SYNE1: variants seen among roughly 807,000 people sequenced by gnomAD.
SYNE1 encodes the protein nesprin-1.
A neutral mutation model predicts 1,111.0 loss-of-function variants in SYNE1; 616 were observed. The observed-to-expected ratio is 0.55, with a 90% CI of 0.52 to 0.59. The LOEUF is 0.59. Among genes scored for constraint, SYNE1 ranks in the 20% least tolerant of loss-of-function variants. The probability of loss-of-function intolerance (pLI) is 0.00; values close to 1 mark genes in which losing one functional copy is unlikely to be tolerated. For synonymous variants in SYNE1, 3,855 were observed against 3,825.8 expected (o/e 1.01, Z -0.28); for missense variants, 10,006 against 10,417.0 (o/e 0.96, Z 1.72).
At chr6:152,420,004 C>T (rs2098229410) in intron 39 of SYNE1, among the ~76,000 whole-genome samples, 1 of 152,146 alleles carries the variant, frequency 6.6e-6, no homozygotes, top group Admixed American at 6.5e-5. Context: ...CTCAGCATAA[C>T]ATATGTTCCA....
At chr6:152,162,070 C>T (rs765131096) in intron 131 of SYNE1, among the ~76,000 whole-genome samples, 13 of 152,166 alleles carry the variant, frequency 8.5e-5, no homozygotes, top group Non-Finnish European at 1.3e-4. Flanking sequence ...TGATCTTCTA[C>T]CTGAGTAAAG....
chr6:152,372,830 T>C (rs747727583), intron 59 of SYNE1, among the ~76,000 whole-genome samples: 10 of 152,334 alleles, frequency 6.6e-5, no homozygotes, highest in Middle Eastern at 3.4e-3. Flanking sequence ...GACCCTAACA[T>C]GCAGGAAGCT....
At chr6:152,432,917 G>A (rs186330753) in intron 34 of SYNE1, among the ~76,000 whole-genome samples, 112 of 152,168 alleles carry the variant, frequency 7.4e-4, no homozygotes, top group Non-Finnish European at 7.1e-4. Flanking sequence ...CAAAAGATGT[G>A]TGAGAAGCAA....
At position 152,370,126 on chromosome 6, in the gene SYNE1, T is replaced by C. The variant is rs375241560; in HGVS notation, c.9508-512A>G. Among the ~76,000 whole-genome samples, 33 of 151,018 alleles carry C rather than the reference T, an allele frequency of 2.2e-4. No homozygotes were observed. The South Asian group carries it at 6.5e-3, about 30-fold the overall frequency. On this transcript the variant is annotated intron_variant, in intron 59 of 145. Transcript: ENST00000367255. ...CTTTTTAGGGTTCTCCTTTTGAAAA[T>C]AGAATTTTTCCCCCCTAACTCTCTG...
chr6:152,622,959 T>G (rs2099678775), intron 3 of SYNE1, among the ~76,000 whole-genome samples: 1 of 152,148 alleles, frequency 6.6e-6, no homozygotes, highest in Non-Finnish European at 1.5e-5. Flanking sequence ...TAAGAGCCAT[T>G]CTGACTGTTG....
At chr6:152,444,933 T>C (rs2098565604) in intron 29 of SYNE1, among the ~76,000 whole-genome samples, 1 of 152,166 alleles carries the variant, frequency 6.6e-6, no homozygotes, top group South Asian at 2.1e-4. Context: ...TTTAGGACTG[T>C]GCACAAAGTC....
Position 152,151,498 on chromosome 6 carries a change from A to G in SYNE1, c.24450+55T>C, listed in dbSNP as rs574977428. The G allele has an allele frequency of 5.6e-6, 9 of 1,609,200 alleles. No individual in the cohort carries two copies. In the Admixed American group the frequency reaches 1.3e-4, roughly 24 times the overall value. ...TATGTTCTTCACAAAAGAGCCACAA[A>G]TCCTTTCATTTTCAGGCTTTCTTCA... On this transcript the variant is annotated intron_variant, in intron 135 of 145. Coordinates refer to ENST00000367255, the MANE Select transcript of SYNE1 (RefSeq NM_182961.4).
rs189559726 is a variant in SYNE1, at chr6:152,479,007, C to G, written c.1350+4078G>C. On this transcript the variant is annotated intron_variant, in intron 14 of 145. Coordinates refer to ENST00000367255, the MANE Select transcript of SYNE1 (RefSeq NM_182961.4). ...GCACAAAAGGAGATGGTAAAGAGAA[C>G]AGGATACAGTGAAAAGGTGGTAGGG... Among the ~76,000 whole-genome samples, 634 of 152,230 alleles carry G rather than the reference C, an allele frequency of 4.2e-3. 5 individuals are homozygous for G. The highest frequency in any genetic ancestry group is 0.017 in the Middle Eastern group (5 of 294).
intron 80 of SYNE1, 67 bp downstream of exon 80, chr6:152,325,891 A>G: frequency 6.4e-7 from 1 of 1,573,622 alleles, no homozygotes; most frequent in Non-Finnish European, 8.7e-7. Flanking sequence ...AGATTTATTG[A>G]TCATGTTGCA....
chr6:152,125,735 T>C (rs940816916), intron 145 of SYNE1: 3 of 166,512 alleles, frequency 1.8e-5, no homozygotes, highest in Non-Finnish European at 3.9e-5. Context: ...TGGGAAGATT[T>C]ACATATATAA....
intron 93 of SYNE1, among the ~76,000 whole-genome samples, chr6:152,296,970 C>G (rs1248570802): frequency 6.6e-6 from 1 of 152,030 alleles, no homozygotes; most frequent in Non-Finnish European, 1.5e-5. Flanking sequence ...GCTCCCCTGG[C>G]TCTGAATTTG....
At chr6:152,415,734 A>G (rs2098140625) in intron 41 of SYNE1, among the ~76,000 whole-genome samples, 1 of 147,622 alleles carries the variant, frequency 6.8e-6, no homozygotes, top group Non-Finnish European at 1.5e-5. Flanking sequence ...AAATCCAAAG[A>G]AATTTTAGTA....
At chr6:152,446,233 T>C (rs1400966532) in intron 29 of SYNE1, among the ~76,000 whole-genome samples, 1 of 152,010 alleles carries the variant, frequency 6.6e-6, no homozygotes, top group Admixed American at 6.6e-5. Flanking sequence ...TAGAATGTTG[T>C]TTTTGCTTTT....
At chr6:152,614,533 T>C (rs913841216) in intron 3 of SYNE1, among the ~76,000 whole-genome samples, 2 of 152,108 alleles carry the variant, frequency 1.3e-5, no homozygotes, top group Non-Finnish European at 2.9e-5. Context: ...ACACTGTTGG[T>C]GGGAGTGTAA....
intron 72 of SYNE1, among the ~76,000 whole-genome samples, chr6:152,347,581 C>T (rs2096659622): frequency 6.6e-6 from 1 of 151,864 alleles, no homozygotes; most frequent in South Asian, 2.1e-4. Flanking sequence ...ATAATTCTGG[C>T]ATAATTTTTA....
At chr6:152,341,787 T>C (rs2096539149) in intron 74 of SYNE1, among the ~76,000 whole-genome samples, 1 of 152,132 alleles carries the variant, frequency 6.6e-6, no homozygotes, top group Non-Finnish European at 1.5e-5. Flanking sequence ...AAGCAGGAAG[T>C]TGTATAATGA....
chr6:152,222,415 C>T (rs2080394798), intron 117 of SYNE1, among the ~76,000 whole-genome samples: 1 of 152,194 alleles, frequency 6.6e-6, no homozygotes, highest in African/African-American at 2.4e-5. Context: ...TATTTTGTTA[C>T]ATACCCGCAG....
At chr6:152,258,035 C>CA (rs959974359) in intron 101 of SYNE1, among the ~76,000 whole-genome samples, 4 of 151,946 alleles carry the variant, frequency 2.6e-5, no homozygotes, top group South Asian at 2.1e-4. Flanking sequence ...AGAACAATGA[C>CA]AAAAAATAAA....
chr6:152,436,308 TTC>T (rs1413909895), intron 32 of SYNE1, among the ~76,000 whole-genome samples: 1 of 152,154 alleles, frequency 6.6e-6, no homozygotes, highest in Non-Finnish European at 1.5e-5. Context: ...TTTATTTTAT[TTC>T]TTTTTTTTTG....
Sources: gnomAD v4.1 joint callset for allele counts (sites outside exome capture counted in the v4.1 genomes callset) on GRCh38, gnomAD v4.1.1 for gene constraint, MANE v1.5 for transcripts, NCBI Gene and HGNC (gene_info 2026-07-23, HGNC 2026-07-21) for gene names.